HS2ST1: variants seen among roughly 807,000 people sequenced by gnomAD.
HS2ST1 encodes 2-O-sulfotransferase.
A neutral mutation model predicts 42.9 loss-of-function variants in HS2ST1; 18 were observed. The observed-to-expected ratio is 0.42, with a 90% CI of 0.29 to 0.62. HS2ST1 has a LOEUF of 0.62. Ranked by LOEUF, HS2ST1 falls within the 20% of genes least tolerant of loss-of-function variation. HS2ST1 has a pLI of 0.21. For synonymous variants in HS2ST1, 146 were observed against 152.9 expected (o/e 0.95, Z 0.33); for missense variants, 334 against 433.8 (o/e 0.77, Z 2.04).
chr1:86,914,792 G>C lies in HS2ST1; in HGVS notation c.-245G>C. ...GCAGCCGCTTCGCGCTGTTTGCTGC[G>C]CGGGCTTTTGGAGGGGGCGGCCGTT... On this transcript the variant is annotated 5_prime_UTR_variant, in exon 1 of 7. Transcript: ENST00000370550. 1.8e-6 allele frequency: 1 copy of C among 540,998 alleles called. No homozygotes were observed. Among genetic ancestry groups the C allele is most frequent in the Non-Finnish European group, 3.3e-6 (1 of 305,348 alleles). The allele number at this position is 540,998 out of a possible 1,614,324, so 33.5% of individuals were successfully genotyped here.
intron 1 of HS2ST1, among the ~76,000 whole-genome samples, chr1:86,949,148 G>T (rs921883020): frequency 6.6e-5 from 10 of 151,970 alleles, no homozygotes; most frequent in East Asian, 1.9e-4. Context: ...TTGCTCTTTC[G>T]CTCAGGCCGG....
chr1:87,092,854 A>T (rs1199795769), intron 4 of HS2ST1, among the ~76,000 whole-genome samples, 185 bp downstream of exon 4: 2 of 151,972 alleles, frequency 1.3e-5, no homozygotes, highest in East Asian at 3.8e-4. Flanking sequence ...TGTAATATAC[A>T]TTTTTTTGTG....
rs1384706951 is a variant in HS2ST1 at position 87,078,943 on chromosome 1, C to T, written c.364-5251C>T. Among the ~76,000 whole-genome samples the T allele has an allele frequency of 2.0e-5, 3 of 151,994 alleles. No homozygotes were observed. The East Asian group carries it at 5.8e-4, about 29-fold the overall frequency. On this transcript the variant is annotated intron_variant, in intron 2 of 6. Transcript: ENST00000370550. The stretch of plus-strand genomic sequence containing the variant: ...AAAGATGAAGGTGAAAGAGTAGAGA[C>T]CAGGAAAGTTCTGGAGAACTAAGGA...
At chr1:87,074,237 C>T (rs1473037169) in intron 2 of HS2ST1, among the ~76,000 whole-genome samples, 2 of 152,264 alleles carry the variant, frequency 1.3e-5, no homozygotes, top group Middle Eastern at 3.4e-3. Context: ...AACCAAATAA[C>T]TCTTCTATGA....
Position 86,914,782 on chromosome 1 carries a change from T to G in HS2ST1, c.-255T>G. ...CGAGAGCCCGGCAGCCGCTTCGCGC[T>G]GTTTGCTGCGCGGGCTTTTGGAGGG... On this transcript the variant is annotated 5_prime_UTR_variant, in exon 1 of 7. Transcript: ENST00000370550. 3.9e-6 allele frequency: 2 copies of G among 510,800 alleles called. No individual in the cohort carries two copies. The allele number at this position is 510,800 out of a possible 1,614,324, so 31.6% of individuals were successfully genotyped here.
chr1:86,944,493 T>C (rs1647269861), intron 1 of HS2ST1, among the ~76,000 whole-genome samples: 1 of 152,028 alleles, frequency 6.6e-6, no homozygotes, highest in Admixed American at 6.6e-5. Context: ...TAGCTGGAAT[T>C]ATAGGTGTGC....
At chr1:86,965,177 C>G (rs1648008507) in intron 1 of HS2ST1, among the ~76,000 whole-genome samples, 1 of 152,130 alleles carries the variant, frequency 6.6e-6, no homozygotes, top group South Asian at 2.1e-4. Flanking sequence ...GGAAAATGAG[C>G]ACAATTGAGT....
At chr1:86,923,435 C>T (rs938459399) in intron 1 of HS2ST1, among the ~76,000 whole-genome samples, 24 of 149,550 alleles carry the variant, frequency 1.6e-4, no homozygotes, top group African/African-American at 5.4e-4. Context: ...CTTACTCTGT[C>T]ACCCAGGCTG....
intron 1 of HS2ST1, among the ~76,000 whole-genome samples, chr1:87,067,920 G>T (rs938658823): frequency 3.3e-5 from 5 of 152,114 alleles, no homozygotes; most frequent in Non-Finnish European, 7.4e-5. Context: ...CTGCTCCATT[G>T]GTCTGTATTT....
At position 87,104,458 on chromosome 1, in the gene HS2ST1, C is replaced by T. The variant is rs1557547626; in HGVS notation, c.845-12C>T. ...TTATTTACCTTTCCTTTTTTTCCCC[C>T]TTTGTAAGTAGGAAAGAAATCTCAT... On this transcript the variant is annotated splice_polypyrimidine_tract_variant and intron_variant, in intron 6 of 6. Transcript: ENST00000370550. 2 of 1,546,840 alleles carry T rather than the reference C, an allele frequency of 1.3e-6. No individual in the cohort carries two copies. The highest frequency in any genetic ancestry group is 1.8e-5 in the Admixed American group (1 of 55,664).
At chr1:87,051,878 T>C (rs1319842247) in intron 1 of HS2ST1, among the ~76,000 whole-genome samples, 4 of 152,242 alleles carry the variant, frequency 2.6e-5, no homozygotes, top group African/African-American at 9.6e-5. Flanking sequence ...TACCTGTGAC[T>C]AATTTTTAAA....
At position 87,058,192 on chromosome 1, in the gene HS2ST1, T is replaced by C. The variant is rs985951037; in HGVS notation, c.125-14742T>C. On this transcript the variant is annotated intron_variant, in intron 1 of 6. Transcript: ENST00000370550. ...GCAGGAATCCTTTTTCCATCATTCT[T>C]TGACAGGTCCTCATGCAACCTCTAT... Among the ~76,000 whole-genome samples, 26 of 151,674 alleles carry C rather than the reference T, an allele frequency of 1.7e-4. 1 individual carries two copies. Among genetic ancestry groups the C allele is most frequent in the Admixed American group, 5.2e-4 (8 of 15,258 alleles).
intron 1 of HS2ST1, among the ~76,000 whole-genome samples, chr1:86,947,179 A>G (rs987191110): frequency 6.6e-6 from 1 of 152,200 alleles, no homozygotes; most frequent in African/African-American, 2.4e-5. Context: ...TACTTTCTTT[A>G]TCTTCCAAGG....
intron 1 of HS2ST1, among the ~76,000 whole-genome samples, chr1:86,960,044 C>T (rs1002594835): frequency 5.9e-5 from 9 of 152,194 alleles, no homozygotes; most frequent in Middle Eastern, 3.4e-3. Context: ...TATGAAGCCA[C>T]AGTAATCAAG....
intron 1 of HS2ST1, among the ~76,000 whole-genome samples, chr1:86,936,091 C>CTCTCTT (rs1315107819): frequency 2.0e-5 from 3 of 152,042 alleles, no homozygotes; most frequent in African/African-American, 4.8e-5. Flanking sequence ...CTACATTTCT[C>CTCTCTT]TCTGTCTCTT....
chr1:87,022,830 A>G (rs1649985922), intron 1 of HS2ST1, among the ~76,000 whole-genome samples: 1 of 152,182 alleles, frequency 6.6e-6, no homozygotes, highest in African/African-American at 2.4e-5. Context: ...ATGCAACTCA[A>G]AATCTTCCAT....
chr1:86,996,213 C>T (rs1234425411), intron 1 of HS2ST1, among the ~76,000 whole-genome samples: 1 of 151,810 alleles, frequency 6.6e-6, no homozygotes, highest in African/African-American at 2.4e-5. Context: ...GAGGCCGAGG[C>T]GGGCGGATCA....
chr1:86,959,614 C>T (rs561741992), intron 1 of HS2ST1, among the ~76,000 whole-genome samples: 131 of 152,260 alleles, frequency 8.6e-4, no homozygotes, highest in African/African-American at 2.7e-3. Context: ...GCTGAGATCA[C>T]GCCACTGCTC....
At chr1:87,006,557 C>G (rs1280749293) in intron 1 of HS2ST1, among the ~76,000 whole-genome samples, 1 of 151,860 alleles carries the variant, frequency 6.6e-6, no homozygotes, top group Non-Finnish European at 1.5e-5. Context: ...GATTAATAGC[C>G]AAATGGTTAT....
Sources: allele counts gnomAD v4.1 joint callset (sites outside exome capture counted in the v4.1 genomes callset), GRCh38; gene constraint gnomAD v4.1.1; transcripts MANE v1.5; gene names NCBI Gene and HGNC (gene_info 2026-07-23, HGNC 2026-07-21).